Variants in ZNF490 observed in about 807,000 individuals in gnomAD.
ZNF490 encodes zinc finger protein 490.
A neutral mutation model predicts 17.7 loss-of-function variants in ZNF490; 11 were observed. That is an observed-to-expected ratio of 0.62 (90% CI 0.39 to 1.03). The LOEUF (loss-of-function observed/expected upper bound fraction) is 1.03. ZNF490 is among the 50% of genes least tolerant of loss of function. The probability of loss-of-function intolerance (pLI) is 0.00; values close to 1 mark genes in which losing one functional copy is unlikely to be tolerated. For missense variants in ZNF490, 542 were observed against 643.4 expected (o/e 0.84, Z 1.71); for synonymous variants, 222 against 216.1 (o/e 1.03, Z -0.24).
chr19:12,582,239 C>T (rs140510852), intron 4 of ZNF490, among the ~76,000 whole-genome samples: 4 of 147,698 alleles, frequency 2.7e-5, no homozygotes, highest in Admixed American at 6.9e-5. Context: ...TTTCTTCTCA[C>T]ACCCTGAACA....
intron 2 of ZNF490, among the ~76,000 whole-genome samples, chr19:12,599,212 AATAAGT>A (rs1430745511): frequency 6.6e-6 from 1 of 151,562 alleles, no homozygotes; most frequent in African/African-American, 2.4e-5. Flanking sequence ...TATAAAAATA[AATAAGT>A]ATTTTTGGTT....
Position 12,594,465 on chromosome 19 carries a change from C to CA in ZNF490, c.163-10910dup, listed in dbSNP as rs112237787. Among the ~76,000 whole-genome samples, 910 of 106,114 alleles carry CA rather than the reference C, an allele frequency of 8.6e-3. 4 individuals carry two copies. Among genetic ancestry groups the CA allele is most frequent in the Admixed American group, 0.014 (130 of 9,576 alleles). 69.6% of individuals were successfully genotyped at this position (106,114 alleles called of 152,430 possible). A position where few individuals can be genotyped will look rare whatever the true frequency, so the allele number is the denominator to read the frequency against. The stretch of plus-strand genomic sequence containing the variant: ...TGGGAGACAGAGCAAGACTCCATCT[C>CA]AAAAAAAAAAAAAGAAAAGAAAAGA... On this transcript the variant is annotated intron_variant, in intron 2 of 4. Coordinates refer to ENST00000311437, the MANE Select transcript of ZNF490 (RefSeq NM_020714.3).
chr19:12,578,116 A>G lies in ZNF490; in HGVS notation c.*2369T>C. ...CCTTTTCCAAGAAGAGCTAAGTGCT[A>G]GTCTTAGCGGGAGGCTAGGAAACCA... On this transcript the variant is annotated 3_prime_UTR_variant, in exon 5 of 5. Transcript: ENST00000311437. 2 of 985,508 alleles carry G rather than the reference A, an allele frequency of 2.0e-6. No individual in the cohort carries two copies. The highest frequency in any genetic ancestry group is 2.4e-6 in the Non-Finnish European group (2 of 830,014). The allele number at this position is 985,508 out of a possible 1,614,324, so 61.0% of individuals were successfully genotyped here.
rs1358496571 is a variant in ZNF490 at position 12,576,561 on chromosome 19, TC to T, written c.*3923del. On this transcript the variant is annotated 3_prime_UTR_variant, in exon 5 of 5. Coordinates refer to ENST00000311437, the MANE Select transcript of ZNF490 (RefSeq NM_020714.3). ...CAGGCAGAGTGGCTCACGCCTGTAA[TC>T]CCAGCACTTTGGGGAGACCGAGGTG... 6.6e-6 allele frequency among the ~76,000 whole-genome samples: 1 copy of T among 150,400 alleles called. No individual in the cohort carries two copies. Among genetic ancestry groups the T allele is most frequent in the Non-Finnish European group, 1.5e-5 (1 of 67,822 alleles).
chr19:12,582,040 G>A (rs1330706860), intron 4 of ZNF490, among the ~76,000 whole-genome samples: 1 of 152,076 alleles, frequency 6.6e-6, no homozygotes, highest in Non-Finnish European at 1.5e-5. Context: ...TCCTGCCTCA[G>A]CCTCCCAAGT....
chr19:12,604,811 C>A (rs1273096853), intron 2 of ZNF490, among the ~76,000 whole-genome samples: 1 of 147,334 alleles, frequency 6.8e-6, no homozygotes. Flanking sequence ...GCGACAAGAG[C>A]AAAACTCCGT....
At chr19:12,607,194 T>A (rs909371358) in intron 2 of ZNF490, among the ~76,000 whole-genome samples, 3 of 141,404 alleles carry the variant, frequency 2.1e-5, no homozygotes, top group South Asian at 2.2e-4. Flanking sequence ...AAAATTTAAA[T>A]TTTTTTTTTT....
chr19:12,603,540 C>T (rs2145165497), intron 2 of ZNF490, among the ~76,000 whole-genome samples: 1 of 152,050 alleles, frequency 6.6e-6, no homozygotes, highest in South Asian at 2.1e-4. Flanking sequence ...ATCTGTAATC[C>T]CAGTACTTTG....
At chr19:12,597,986 G>A (rs955814000) in intron 2 of ZNF490, among the ~76,000 whole-genome samples, 13 of 152,184 alleles carry the variant, frequency 8.5e-5, no homozygotes, top group African/African-American at 2.7e-4. Flanking sequence ...AGCACTTTGG[G>A]AGGCCGAGGC....
At chr19:12,605,492 A>T (rs2023056930) in intron 2 of ZNF490, among the ~76,000 whole-genome samples, 2 of 152,138 alleles carry the variant, frequency 1.3e-5, no homozygotes, top group Admixed American at 1.3e-4. Flanking sequence ...TTAAAAAAAA[A>T]AAAAACACTT....
chr19:12,590,835 T>C (rs1432965014), intron 2 of ZNF490, among the ~76,000 whole-genome samples: 4 of 151,728 alleles, frequency 2.6e-5, no homozygotes, highest in Non-Finnish European at 5.9e-5. Flanking sequence ...CCCAGCACTT[T>C]GGGAGGCTAA....
chr19:12,593,870 A>C (rs1441206395), intron 2 of ZNF490, among the ~76,000 whole-genome samples: 1 of 151,976 alleles, frequency 6.6e-6, no homozygotes, highest in Non-Finnish European at 1.5e-5. Context: ...AAAAGAAGTC[A>C]CCCTCCCACC....
chr19:12,590,896 T>A (rs945347480), intron 2 of ZNF490, among the ~76,000 whole-genome samples: 46 of 146,464 alleles, frequency 3.1e-4, no homozygotes, highest in African/African-American at 1.1e-3. Flanking sequence ...GTGGGCAACA[T>A]AACAACACTC....
intron 2 of ZNF490, among the ~76,000 whole-genome samples, chr19:12,602,286 C>T (rs2023018044): frequency 6.6e-6 from 1 of 152,224 alleles, no homozygotes; most frequent in African/African-American, 2.4e-5. Context: ...GTAGCTCCCG[C>T]CTGTAATCCC....
intron 2 of ZNF490, among the ~76,000 whole-genome samples, chr19:12,606,367 C>G (rs990086359): frequency 7.9e-5 from 11 of 138,538 alleles, no homozygotes; most frequent in Non-Finnish European, 7.7e-5. Flanking sequence ...TTTTTTGAGA[C>G]AGGGTCTCTA....
Position 12,608,453 on chromosome 19 carries a change from T to TTATG in ZNF490, c.162+701_162+704dup, listed in dbSNP as rs201376018. Among the ~76,000 whole-genome samples the TTATG allele has an allele frequency of 6.1e-3, 665 of 108,148 alleles. 2 individuals carry two copies. The highest frequency in any genetic ancestry group is 0.019 in the African/African-American group (640 of 33,182). 70.9% of individuals were successfully genotyped at this position (108,148 alleles called of 152,430 possible). A position where few individuals can be genotyped will look rare whatever the true frequency, so the allele number is the denominator to read the frequency against. Reference sequence around the variant, plus strand: ...CAGCTAATTTTTTATCTTTATTTATTTATGTATTTATTTATTTATTTATTT... The same window carrying TTATG: ...CAGCTAATTTTTTATCTTTATTTATTTATGTATGTATTTATTTATTTATTTATTT... On this transcript the variant is annotated intron_variant, in intron 2 of 4. Transcript: ENST00000311437.
chr19:12,580,574 G>T lies in ZNF490; in HGVS notation c.1501C>A (p.Pro501Thr). 1 of 1,614,144 alleles carries T rather than the reference G, an allele frequency of 6.2e-7. No individual in the cohort carries two copies. The highest frequency in any genetic ancestry group is 8.5e-7 in the Non-Finnish European group (1 of 1,180,028). Residue 501 changes from proline (P) to threonine (T), a missense_variant, in exon 5 of 5, where the codon CCC becomes ACC. Coordinates refer to ENST00000311437, the MANE Select transcript of ZNF490 (RefSeq NM_020714.3). ...TTACCACATTGTCTACACTGAAAGG[G>T]TCTTTCTCCAGTATGAATTCTTTTG... The part of the protein sequence containing the change: ...VHKRIHTGER[P>T]FQCRQCGKAF...
chr19:12,580,929 T>C lies in ZNF490; in HGVS notation c.1146A>G (p.Arg382=). Residue 382 remains arginine, a synonymous_variant, in exon 5 of 5, where the codon AGA becomes AGG. Coordinates refer to ENST00000311437, the MANE Select transcript of ZNF490 (RefSeq NM_020714.3). The part of the protein sequence containing the change: ...KSSSSCEVHE[R]THFGEKPYEC... ...CATAGGGTTTTTCTCCAAAATGAGT[T>C]CTTTCGTGCACTTCACAGGAACTAG... 6.2e-7 allele frequency: 1 copy of C among 1,614,184 alleles called. No homozygotes were observed. Among genetic ancestry groups the C allele is most frequent in the Non-Finnish European group, 8.5e-7 (1 of 1,180,030 alleles).
chr19:12,582,419 G>A (rs973499209), intron 4 of ZNF490, among the ~76,000 whole-genome samples: 6 of 151,374 alleles, frequency 4.0e-5, no homozygotes, highest in African/African-American at 7.3e-5. Context: ...TTTTTTAGAC[G>A]GAGTCTCGCT....
Sources: gnomAD v4.1 joint callset for allele counts (sites outside exome capture counted in the v4.1 genomes callset) on GRCh38, gnomAD v4.1.1 for gene constraint, MANE v1.5 for transcripts, NCBI Gene and HGNC (gene_info 2026-07-23, HGNC 2026-07-21) for gene names.